NOS2: variants seen among roughly 807,000 people sequenced by gnomAD.
The protein encoded by NOS2 is nitric oxide synthase 2.
NOS2 carries 96 observed loss-of-function variants against 136.0 expected under a neutral mutation model. That is an observed-to-expected ratio of 0.71 (90% CI 0.60 to 0.84). The LOEUF (loss-of-function observed/expected upper bound fraction) is 0.84. Among genes scored for constraint, NOS2 ranks in the 40% least tolerant of loss-of-function variants. NOS2 has a pLI of 0.00. For missense variants in NOS2, 1,237 were observed against 1,496.9 expected, an observed-to-expected ratio of 0.83 and a Z score of 2.87; for synonymous variants, 539 against 587.5, an observed-to-expected ratio of 0.92 and a Z score of 1.20.
In NOS2 at chr17:27,766,591, G is replaced by A. The variant is rs781531550; in HGVS notation, c.2168-3C>T. On this transcript the variant is annotated splice_polypyrimidine_tract_variant and splice_region_variant and intron_variant, in intron 18 of 26. Transcript: ENST00000313735. ...CTTGGCATGCATGCTGCTGAGGGCT[G>A]TGGAGGACACAGAGACGGTGAAATG... 6.8e-6 allele frequency: 11 copies of A among 1,613,634 alleles called. No individual in the cohort carries two copies. Among genetic ancestry groups the A allele is most frequent in the Non-Finnish European group, 3.4e-6 (4 of 1,179,548 alleles).
rs909775711 is a variant in NOS2, at chr17:27,770,825, C to T, written c.1809+88G>A. ...TGAGCACTGACTCCCAAATGTCCTC[C>T]GTAGGACCTGCCGCATCCCCCAGAC... On this transcript the variant is annotated intron_variant, in intron 15 of 26. Transcript: ENST00000313735. The T allele has an allele frequency of 9.8e-5, 91 of 929,326 alleles. 1 individual carries two copies. The highest frequency in any genetic ancestry group is 6.1e-4 in the South Asian group (42 of 69,080). The allele number at this position is 929,326 out of a possible 1,614,324, so 57.6% of individuals were successfully genotyped here.
intron 4 of NOS2, among the ~76,000 whole-genome samples, chr17:27,788,147 G>A (rs1271161530): frequency 6.6e-6 from 1 of 151,536 alleles, no homozygotes; most frequent in African/African-American, 2.4e-5. Context: ...ACATGATATT[G>A]GTATTTGGCC....
At chr17:27,790,984 A>C (rs1254765345) in intron 2 of NOS2, among the ~76,000 whole-genome samples, 1 of 152,228 alleles carries the variant, frequency 6.6e-6, no homozygotes, top group Non-Finnish European at 1.5e-5. Flanking sequence ...GACTATTATG[A>C]GGGTCTCACA....
At chr17:27,795,239 C>T (rs1909320122) in intron 2 of NOS2, among the ~76,000 whole-genome samples, 1 of 152,222 alleles carries the variant, frequency 6.6e-6, no homozygotes, top group Admixed American at 6.5e-5. Context: ...CAGTGCAGCA[C>T]ACAGTAGGCC....
In NOS2 at chr17:27,772,410, C is replaced by T. The variant is rs200136687; in HGVS notation, c.1602G>A (p.Ala534=). The change falls in exon 14 of 27, where the codon GCG becomes GCA. Residue 534 remains alanine (A), a synonymous_variant. Coordinates refer to ENST00000313735, the MANE Select transcript of NOS2 (RefSeq NM_000625.4). ...FACMLMRKTM[A]SRVRVTILFA... ...AGAGGATGGTGACTCTGACTCGGGA[C>T]GCCATTGTCTTGCGCATCAGCATAC... The T allele has an allele frequency of 2.2e-5, 36 of 1,613,920 alleles. No individual in the cohort carries two copies. The highest frequency in any genetic ancestry group is 1.6e-4 in the Middle Eastern group (1 of 6,082).
chr17:27,793,427 T>A (rs1909254786), intron 2 of NOS2, among the ~76,000 whole-genome samples: 1 of 152,166 alleles, frequency 6.6e-6, no homozygotes, highest in Non-Finnish European at 1.5e-5. Flanking sequence ...AATTGCGACC[T>A]CTCAAGCGTT....
chr17:27,774,583 C>A (rs938264372), intron 11 of NOS2, 132 bp from the exon 12 acceptor site: 4 of 544,030 alleles, frequency 7.4e-6, no homozygotes, highest in Non-Finnish European at 1.2e-5. Context: ...CAACTCCTGG[C>A]CCTCTCCTTG....
At chr17:27,795,728 G>A (rs1909333629) in intron 2 of NOS2, among the ~76,000 whole-genome samples, 1 of 152,222 alleles carries the variant, frequency 6.6e-6, no homozygotes, top group Non-Finnish European at 1.5e-5. Context: ...TTCCTTCCTT[G>A]TGGATCGTTG....
chr17:27,797,956 T>A (rs531500471), intron 2 of NOS2, among the ~76,000 whole-genome samples: 1 of 152,192 alleles, frequency 6.6e-6, no homozygotes, highest in African/African-American at 2.4e-5. Context: ...GTCAATCATA[T>A]GAACTTCAAA....
intron 13 of NOS2, 95 bp from the exon 14 acceptor site, chr17:27,772,547 T>C (rs1908531445): frequency 2.1e-6 from 3 of 1,446,498 alleles, no homozygotes; most frequent in Middle Eastern, 2.3e-4. Context: ...CAGCGTTTAA[T>C]GTGGGGCAGG....
At chr17:27,761,737 C>T (rs147715419) in intron 22 of NOS2, among the ~76,000 whole-genome samples, 1 of 152,292 alleles carries the variant, frequency 6.6e-6, no homozygotes, top group African/African-American at 2.4e-5. Context: ...GCTCTGGCAC[C>T]TTGCTTTCCT....
chr17:27,767,770 T>A lies in NOS2; in HGVS notation c.2102A>T (p.Asn701Ile). The change falls in exon 18 of 27, where the codon AAT (asparagine) becomes ATT (isoleucine). Residue 701 changes from asparagine to isoleucine, a missense_variant. Asn to Ile is a moderately radical substitution (Grantham distance 149, BLOSUM62 -3). This residue lies in a region of NOS2 where 782 missense variants were observed against 909.9 expected (regional missense o/e 0.86). Transcript: ENST00000313735. ...HIQIPKLYTS[N>I]VTWDPHHYRL... ...GTAGTGGTGCGGGTCCCAGGTCACA[T>A]TGGAGGTGTAGAGCTTGGGGATCTG... The A allele has an allele frequency of 6.2e-7, 1 of 1,613,150 alleles. No homozygotes were observed. Among genetic ancestry groups the A allele is most frequent in the Non-Finnish European group, 8.5e-7 (1 of 1,180,012 alleles).
At chr17:27,796,096 C>A (rs1909345460) in intron 2 of NOS2, among the ~76,000 whole-genome samples, 1 of 151,830 alleles carries the variant, frequency 6.6e-6, no homozygotes, top group South Asian at 2.1e-4. Context: ...TCGAGGGCAG[C>A]CTGGACAACA....
chr17:27,758,417 T>C (rs1440539904), intron 26 of NOS2, among the ~76,000 whole-genome samples: 1 of 152,200 alleles, frequency 6.6e-6, no homozygotes, highest in African/African-American at 2.4e-5. Flanking sequence ...AAGCCCTTGA[T>C]AAATATCACT....
At chr17:27,765,229 C>G (rs963053759) in intron 20 of NOS2, among the ~76,000 whole-genome samples, 2 of 152,220 alleles carry the variant, frequency 1.3e-5, no homozygotes, top group African/African-American at 4.8e-5. Flanking sequence ...CTCAAGTGAT[C>G]CACCCACCAC....
intron 2 of NOS2, chr17:27,793,840 G>A (rs187286297): frequency 8.6e-5 from 32 of 371,488 alleles, no homozygotes; most frequent in Admixed American, 2.8e-4. Context: ...GTCCCGGGCC[G>A]AGCTGCCCCT....
chr17:27,759,246 C>T (rs1908032272), intron 25 of NOS2, among the ~76,000 whole-genome samples, 171 bp from the exon 26 acceptor site: 2 of 152,188 alleles, frequency 1.3e-5, no homozygotes, highest in African/African-American at 2.4e-5. Flanking sequence ...TGCATGGATG[C>T]CCCTGGGGCT....
chr17:27,765,279 C>T (rs368752644), intron 20 of NOS2, among the ~76,000 whole-genome samples: 1 of 152,254 alleles, frequency 6.6e-6, no homozygotes, highest in Non-Finnish European at 1.5e-5. Flanking sequence ...TGAGCCACCA[C>T]ACCCAGCTCA....
At chr17:27,779,764 G>T (rs183055460) in intron 9 of NOS2, among the ~76,000 whole-genome samples, 3 of 152,326 alleles carry the variant, frequency 2.0e-5, no homozygotes, top group Admixed American at 2.0e-4. Flanking sequence ...CTGACTAGCA[G>T]TGTGAACTTG....
Sources: allele counts gnomAD v4.1 joint callset (sites outside exome capture counted in the v4.1 genomes callset), GRCh38; gene constraint gnomAD v4.1.1; regional missense constraint gnomAD v4.1.1; transcripts MANE v1.5; gene names NCBI Gene and HGNC (gene_info 2026-07-23, HGNC 2026-07-21).